Variants in NR3C1 observed in about 807,000 individuals in gnomAD.
The protein encoded by NR3C1 is nuclear receptor subfamily 3 group C member 1.
In NR3C1, 14 loss-of-function variants were observed where a neutral mutation model predicts 74.0. The observed-to-expected ratio is 0.19, with a 90% confidence interval of 0.12 to 0.30. The LOEUF (loss-of-function observed/expected upper bound fraction) is 0.30. Ranked by LOEUF, NR3C1 falls within the 10% of genes least tolerant of loss-of-function variation. NR3C1 has a pLI of 1.00. For missense variants in NR3C1, 695 were observed against 909.8 expected (o/e 0.76, Z 3.04); for synonymous variants, 308 against 332.5 (o/e 0.93, Z 0.80).
At chr5:143,311,788 GT>G (rs34827388) in intron 3 of NR3C1, among the ~76,000 whole-genome samples, 31,318 of 119,302 alleles carry the variant, frequency 0.26, 3,604 homozygotes, top group Non-Finnish European at 0.3. Flanking sequence ...CCTGGATAAC[GT>G]TTTTTTTTTT....
intron 2 of NR3C1, among the ~76,000 whole-genome samples, chr5:143,366,189 A>C (rs936301248): frequency 6.6e-6 from 1 of 152,138 alleles, no homozygotes; most frequent in Non-Finnish European, 1.5e-5. Flanking sequence ...AGAGAAGAGA[A>C]AAACAATAGA....
At chr5:143,308,758 T>C (rs860457) in intron 4 of NR3C1, among the ~76,000 whole-genome samples, 42,423 of 152,098 alleles carry the variant, frequency 0.28, 6,175 homozygotes, top group Non-Finnish European at 0.32. Flanking sequence ...TGGTGTGCCA[T>C]GCTATTTTGT....
chr5:143,380,005 T>C (rs957441080), intron 2 of NR3C1, among the ~76,000 whole-genome samples: 1 of 152,238 alleles, frequency 6.6e-6, no homozygotes, highest in East Asian at 1.9e-4. Context: ...TCCTATCTTA[T>C]GTAATATCTC....
Position 143,403,609 on chromosome 5 carries a change from A to G in NR3C1, c.-412T>C. 1 of 986,088 alleles carries G rather than the reference A, an allele frequency of 1.0e-6. No individual in the cohort carries two copies. Among genetic ancestry groups the G allele is most frequent in the Non-Finnish European group, 1.2e-6 (1 of 830,640 alleles). 61.1% of individuals were successfully genotyped at this position (986,088 alleles called of 1,614,324 possible). A position where few individuals can be genotyped will look rare whatever the true frequency, so the allele number is the denominator to read the frequency against. On this transcript the variant is annotated 5_prime_UTR_variant, in exon 1 of 9. Transcript: ENST00000394464. ...AAATGGAGGAGGCGGCGGCGGAGGG[A>G]AGAGAGCGCGGACACGCGAAAGGGC... is the stretch of plus-strand genomic sequence containing the variant.
chr5:143,306,099 T>A (rs1819537816), intron 4 of NR3C1, among the ~76,000 whole-genome samples: 1 of 152,030 alleles, frequency 6.6e-6, no homozygotes, highest in Non-Finnish European at 1.5e-5. Context: ...AACAAGCAAG[T>A]TTTTTAAAAA....
intron 1 of NR3C1, among the ~76,000 whole-genome samples, chr5:143,433,456 A>AGATATATATAATTTATTTATTTAAAT (rs1751951911): frequency 2.1e-5 from 1 of 46,718 alleles, no homozygotes; most frequent in Non-Finnish European, 6.2e-5. Context: ...TTTAAATTAT[A>AGATATATATAATTTATTTATTTAAAT]TATATATATA....
At chr5:143,430,205 A>C (rs768731439) in intron 1 of NR3C1, among the ~76,000 whole-genome samples, 1 of 152,214 alleles carries the variant, frequency 6.6e-6, no homozygotes, top group Non-Finnish European at 1.5e-5. Flanking sequence ...ATAAAAATAC[A>C]TATACACACA....
At chr5:143,345,490 G>A (rs763793853) in intron 2 of NR3C1, among the ~76,000 whole-genome samples, 2 of 152,182 alleles carry the variant, frequency 1.3e-5, no homozygotes, top group South Asian at 2.1e-4. Context: ...GATTACAGAC[G>A]TGAGCCACTG....
chr5:143,424,112 A>G (rs991742292), intron 1 of NR3C1, among the ~76,000 whole-genome samples: 3 of 151,858 alleles, frequency 2.0e-5, no homozygotes, highest in African/African-American at 7.3e-5. Flanking sequence ...ACCTAATGCT[A>G]GATGACGAGT....
intron 2 of NR3C1, among the ~76,000 whole-genome samples, chr5:143,331,765 C>A (rs530131643): frequency 6.6e-6 from 1 of 152,178 alleles, no homozygotes; most frequent in African/African-American, 2.4e-5. Context: ...AAGGGAAGGA[C>A]AGACACTGGG....
intron 2 of NR3C1, among the ~76,000 whole-genome samples, chr5:143,393,734 A>G (rs977953435): frequency 1.3e-5 from 2 of 152,122 alleles, no homozygotes; most frequent in Non-Finnish European, 2.9e-5. Flanking sequence ...TGCCCCAACC[A>G]GCATGAAATA....
At chr5:143,433,566 G>A (rs754930431) in intron 1 of NR3C1, among the ~76,000 whole-genome samples, 10 of 141,636 alleles carry the variant, frequency 7.1e-5, no homozygotes, top group Non-Finnish European at 1.4e-4. Context: ...ATATTAAGCT[G>A]TAAGGGGCTT....
At chr5:143,405,821 A>T (rs548271584), upstream of NR3C1, among the ~76,000 whole-genome samples, 1 of 152,230 alleles carries the variant, frequency 6.6e-6, no homozygotes, top group South Asian at 2.1e-4. Context: ...GCACAAGTCA[A>T]CTAGAAGGAG....
intron 7 of NR3C1, among the ~76,000 whole-genome samples, chr5:143,285,253 G>A (rs567372915): frequency 6.6e-6 from 1 of 152,232 alleles, no homozygotes; most frequent in South Asian, 2.1e-4. Flanking sequence ...TAGAGACCTA[G>A]GGGCCACATC....
rs1840711063 is a variant in NR3C1 at position 143,403,323 on chromosome 5, C to A, written c.-126G>T. On this transcript the variant is annotated 5_prime_UTR_variant, in exon 1 of 9. The change creates a premature stop within an existing upstream ORF in the 5' untranslated region. Coordinates refer to ENST00000394464, the MANE Select transcript of NR3C1 (RefSeq NM_000176.3). ...CAGGAGGGAAATATATTTTTTTTTT[C>A]TAAAAAAAGGAAGTAAACAGCCGCC... 3 of 984,108 alleles carry A rather than the reference C, an allele frequency of 3.0e-6. No homozygotes were observed. In the South Asian group the frequency reaches 1.4e-4, roughly 46 times the overall value. The allele number at this position is 984,108 out of a possible 1,614,324, so 61.0% of individuals were successfully genotyped here.
chr5:143,294,073 T>TATATCCATTAACATAAAATAACTTTTTG, intron 7 of NR3C1: 1 of 983,650 alleles, frequency 1.0e-6, no homozygotes, highest in Non-Finnish European at 1.2e-6. Context: ...TAATACTTCT[T>TATATCCATTAACATAAAATAACTTTTTG]ATATCCATTA....
intron 2 of NR3C1, among the ~76,000 whole-genome samples, chr5:143,355,548 C>G (rs1255319177): frequency 6.6e-6 from 1 of 152,038 alleles, no homozygotes; most frequent in Non-Finnish European, 1.5e-5. Flanking sequence ...TTCTAAATAT[C>G]ATATAACATT....
intron 2 of NR3C1, among the ~76,000 whole-genome samples, chr5:143,353,218 TC>T (rs1191500357): frequency 6.6e-6 from 1 of 152,208 alleles, no homozygotes; most frequent in Non-Finnish European, 1.5e-5. Flanking sequence ...CACTTCTAAT[TC>T]TAGTTCTCTT....
chr5:143,349,489 C>T (rs1829871451), intron 2 of NR3C1, among the ~76,000 whole-genome samples: 1 of 152,134 alleles, frequency 6.6e-6, no homozygotes, highest in South Asian at 2.1e-4. Context: ...TGCCATGCAT[C>T]AGTATCCACT....
Sources: gnomAD v4.1 joint callset for allele counts (sites outside exome capture counted in the v4.1 genomes callset) on GRCh38, gnomAD v4.1.1 for gene constraint, MANE v1.5 for transcripts, NCBI Gene and HGNC (gene_info 2026-07-23, HGNC 2026-07-21) for gene names.